ABLIM1: variants seen among roughly 807,000 people sequenced by gnomAD.
The protein encoded by ABLIM1 is actin-binding LIM protein 1.
ABLIM1 carries 40 observed loss-of-function variants against 107.0 expected under a neutral mutation model. The observed-to-expected ratio is 0.37, with a 90% CI of 0.29 to 0.49. The LOEUF is 0.49. Ranked by LOEUF, ABLIM1 falls within the 20% of genes least tolerant of loss-of-function variation. ABLIM1 has a pLI of 0.97. For synonymous variants in ABLIM1, 357 were observed against 357.3 expected, an observed-to-expected ratio of 1.00 and a Z score of 0.01; for missense variants, 857 against 1,008.5, an observed-to-expected ratio of 0.85 and a Z score of 2.04.
intron 1 of ABLIM1, among the ~76,000 whole-genome samples, chr10:114,674,473 C>G (rs2080393782): frequency 6.6e-6 from 1 of 152,158 alleles, no homozygotes; most frequent in African/African-American, 2.4e-5. Context: ...GACATAAGTT[C>G]TGCAGTCAGA....
chr10:114,544,666 C>G (rs1053073677), intron 6 of ABLIM1, among the ~76,000 whole-genome samples: 1 of 152,194 alleles, frequency 6.6e-6, no homozygotes, highest in Non-Finnish European at 1.5e-5. Context: ...CACATGCACA[C>G]ATGGATGTAT....
intron 1 of ABLIM1, among the ~76,000 whole-genome samples, chr10:114,679,835 C>T (rs1391830121): frequency 6.6e-6 from 1 of 152,056 alleles, no homozygotes; most frequent in Non-Finnish European, 1.5e-5. Flanking sequence ...GTCTCCCATT[C>T]ATGCGAGAAG....
chr10:114,742,819 C>T (rs2082312925), intron 1 of ABLIM1, among the ~76,000 whole-genome samples: 1 of 152,170 alleles, frequency 6.6e-6, no homozygotes, highest in Admixed American at 6.5e-5. Flanking sequence ...GTCCCAGCTA[C>T]TCAGGAGGCT....
chr10:114,606,600 C>T (rs1216760994), intron 1 of ABLIM1, among the ~76,000 whole-genome samples: 3 of 152,162 alleles, frequency 2.0e-5, no homozygotes, highest in Non-Finnish European at 4.4e-5. Flanking sequence ...AGGTAACATA[C>T]ACATTCTCCC....
At chr10:114,659,498 G>C (rs948592541), upstream of ABLIM1, among the ~76,000 whole-genome samples, 1 of 152,110 alleles carries the variant, frequency 6.6e-6, no homozygotes, top group African/African-American at 2.4e-5. Flanking sequence ...AGGTGACCGG[G>C]CAAGACTCTG....
chr10:114,732,297 G>A (rs560894115), intron 1 of ABLIM1, among the ~76,000 whole-genome samples: 3 of 148,706 alleles, frequency 2.0e-5, no homozygotes, highest in African/African-American at 7.4e-5. Flanking sequence ...GATTCTCCTC[G>A]ATTTGCATTT....
intron 4 of ABLIM1, among the ~76,000 whole-genome samples, chr10:114,565,957 G>C (rs370695225): frequency 6.6e-6 from 1 of 151,754 alleles, no homozygotes; most frequent in Non-Finnish European, 1.5e-5. Flanking sequence ...ACCATGCCTC[G>C]CTAATTTTTT....
chr10:114,677,088 C>T (rs922069894), intron 1 of ABLIM1, among the ~76,000 whole-genome samples: 1 of 152,064 alleles, frequency 6.6e-6, no homozygotes, highest in Non-Finnish European at 1.5e-5. Flanking sequence ...AGCCTGGTTC[C>T]CTCCCTCTGG....
At chr10:114,627,841 G>A (rs1248107371) in intron 1 of ABLIM1, among the ~76,000 whole-genome samples, 1 of 152,182 alleles carries the variant, frequency 6.6e-6, no homozygotes, top group Non-Finnish European at 1.5e-5. Context: ...TCACATCTTA[G>A]CCTGGGAACG....
chr10:114,706,455 G>A (rs1313050559), intron 1 of ABLIM1, among the ~76,000 whole-genome samples: 1 of 152,212 alleles, frequency 6.6e-6, no homozygotes, highest in East Asian at 1.9e-4. Flanking sequence ...TGGCAATGAT[G>A]ATACCAAAAT....
At chr10:114,767,871 C>A (rs765690561) in intron 1 of ABLIM1, among the ~76,000 whole-genome samples, 1 of 152,018 alleles carries the variant, frequency 6.6e-6, no homozygotes, top group Non-Finnish European at 1.5e-5. Context: ...TCGCCCACAT[C>A]CGGGGATCAA....
intron 6 of ABLIM1, among the ~76,000 whole-genome samples, chr10:114,534,071 T>G (rs903206924): frequency 3.9e-5 from 6 of 152,130 alleles, no homozygotes; most frequent in Non-Finnish European, 8.8e-5. Flanking sequence ...GTGGAATTCA[T>G]TGAAGATCAC....
intron 5 of ABLIM1, among the ~76,000 whole-genome samples, chr10:114,546,458 T>C (rs1189764338): frequency 2.6e-5 from 4 of 151,882 alleles, no homozygotes; most frequent in Admixed American, 2.6e-4. Context: ...CATGCCCGGC[T>C]CAGTTTTTGT....
chr10:114,644,024 G>A (rs1343737849), intron 1 of ABLIM1, among the ~76,000 whole-genome samples: 1 of 151,216 alleles, frequency 6.6e-6, no homozygotes, highest in Admixed American at 6.6e-5. Flanking sequence ...GCTCATATCT[G>A]TAATCCCAGC....
chr10:114,469,051 CAAAAAAAAAAA>C (rs71473043), intron 10 of ABLIM1, among the ~76,000 whole-genome samples: 2 of 75,340 alleles, frequency 2.7e-5, no homozygotes, highest in African/African-American at 5.4e-5. Context: ...GACTCTGTCT[CAAAAAAAAAAA>C]AAAAAAAAAA....
At chr10:114,564,155 A>C (rs1404549806) in intron 4 of ABLIM1, among the ~76,000 whole-genome samples, 1 of 151,566 alleles carries the variant, frequency 6.6e-6, no homozygotes, top group Non-Finnish European at 1.5e-5. Context: ...TGTGTGGCCA[A>C]ACTCCTCCAG....
intron 6 of ABLIM1, among the ~76,000 whole-genome samples, chr10:114,535,805 A>G (rs2065938999): frequency 6.6e-6 from 1 of 152,178 alleles, no homozygotes; most frequent in Non-Finnish European, 1.5e-5. Flanking sequence ...TTTGAATCAC[A>G]TGGTTCCCTT....
intron 1 of ABLIM1, among the ~76,000 whole-genome samples, chr10:114,620,314 TGG>T (rs1202365853): frequency 1.3e-5 from 2 of 152,204 alleles, no homozygotes; most frequent in Non-Finnish European, 2.9e-5. Context: ...TGTTTCTTCC[TGG>T]GGTAGGCATG....
intron 1 of ABLIM1, chr10:114,632,285 C>T: frequency 1.0e-6 from 1 of 985,436 alleles, no homozygotes; most frequent in Non-Finnish European, 1.2e-6. Context: ...GCACCGAGGA[C>T]GGGCTATGAA....
Sources: allele counts gnomAD v4.1 joint callset (sites outside exome capture counted in the v4.1 genomes callset), GRCh38; gene constraint gnomAD v4.1.1; transcripts MANE v1.5; gene names NCBI Gene and HGNC (gene_info 2026-07-23, HGNC 2026-07-21).